The following CDK11B variants were observed in gnomAD, a reference collection of about 807,000 sequenced individuals.
The protein encoded by CDK11B is cyclin-dependent kinase 11B.
CDK11B carries 37 observed loss-of-function variants against 84.0 expected under a neutral mutation model. The observed-to-expected ratio is 0.44, with a 90% confidence interval of 0.34 to 0.58. CDK11B has a LOEUF of 0.58. Ranked by LOEUF, CDK11B falls within the 20% of genes least tolerant of loss-of-function variation. CDK11B has a pLI of 0.02. For synonymous variants in CDK11B, 269 were observed against 309.8 expected (o/e 0.87, Z 1.38); for missense variants, 427 against 834.0 (o/e 0.51, Z 6.01).
intron 4 of CDK11B, among the ~76,000 whole-genome samples, chr1:1,650,793 C>T (rs1445565006): frequency 1.4e-4 from 21 of 150,386 alleles, no homozygotes; most frequent in African/African-American, 4.4e-4. Context: ...TGCACCCAGC[C>T]GAATAATCAT....
chr1:1,637,918 T>C (rs1443921965), intron 12 of CDK11B, 35 bp from the exon 13 acceptor site: 5 of 1,612,366 alleles, frequency 3.1e-6, no homozygotes, highest in Non-Finnish European at 4.2e-6. Context: ...TGAGAGGCAT[T>C]CTCAAAGTCA....
At chr1:1,658,776 T>C (rs1254553665) in intron 1 of CDK11B, 138 bp downstream of exon 1, 4 of 153,132 alleles carry the variant, frequency 2.6e-5, no homozygotes, top group African/African-American at 9.7e-5. Context: ...CCGTGCGGGA[T>C]GAGACTGTCC....
intron 1 of CDK11B, among the ~76,000 whole-genome samples, chr1:1,658,448 A>C (rs1446817534): frequency 2.0e-5 from 3 of 149,272 alleles, no homozygotes; most frequent in East Asian, 2.0e-4. Context: ...CAGAATAACA[A>C]CACCTACGTG....
At chr1:1,647,275 C>T (rs1347597253) in intron 5 of CDK11B, among the ~76,000 whole-genome samples, 1 of 152,264 alleles carries the variant, frequency 6.6e-6, no homozygotes, top group Non-Finnish European at 1.5e-5. Flanking sequence ...TGTTCTTCCT[C>T]AGTATGGGTC....
chr1:1,653,901 C>CCTT (rs1642372585), intron 3 of CDK11B, among the ~76,000 whole-genome samples: 2 of 151,576 alleles, frequency 1.3e-5, no homozygotes, highest in South Asian at 2.1e-4. Flanking sequence ...CCCAGCTACT[C>CCTT]AGGAGTCTGA....
chr1:1,650,513 C>G (rs1413889642), intron 4 of CDK11B, among the ~76,000 whole-genome samples: 9 of 150,728 alleles, frequency 6.0e-5, no homozygotes, highest in Admixed American at 1.3e-4. Flanking sequence ...CTACAGGCGC[C>G]TGCCACCACG....
chr1:1,636,907 A>T lies in CDK11B; in HGVS notation c.1790T>A (p.Leu597His). The change falls in exon 16 of 20, where the codon CTT (leucine) becomes CAT (histidine). Residue 597 changes from leucine (L) to histidine (H), a missense_variant. By Grantham distance (99) the Leu-to-His change is moderately conservative (BLOSUM62 -3). Coordinates refer to ENST00000341832, the MANE Select transcript of CDK11B (RefSeq NM_033486.3). Reference sequence around the variant, plus strand: ...ACGCCCAGGACTCACCTTGGCACCAAGCAGCAGCTCTGGGGCGCGGTACCA... The same window carrying T: ...ACGCCCAGGACTCACCTTGGCACCATGCAGCAGCTCTGGGGCGCGGTACCA... ...TLWYRAPELLLGAKEYSTAVD... is the reference protein window; with the variant it reads ...TLWYRAPELLHGAKEYSTAVD... 11 of 1,606,598 alleles carry T rather than the reference A, an allele frequency of 6.8e-6. No homozygotes were observed. Among genetic ancestry groups the T allele is most frequent in the Non-Finnish European group, 9.4e-6 (11 of 1,175,164 alleles).
chr1:1,653,874 T>G (rs1310387160), intron 3 of CDK11B, among the ~76,000 whole-genome samples: 1 of 130,782 alleles, frequency 7.6e-6, no homozygotes, highest in South Asian at 2.6e-4. Context: ...CCGAGCGTGG[T>G]GGCGCATGCC....
At chr1:1,650,144 C>T (rs1196301476) in intron 4 of CDK11B, among the ~76,000 whole-genome samples, 26 of 150,104 alleles carry the variant, frequency 1.7e-4, no homozygotes, top group South Asian at 8.5e-4. Flanking sequence ...GTGGCGGGCA[C>T]CTGTAGTCCC....
At chr1:1,655,213 TA>T in intron 3 of CDK11B, 155 bp downstream of exon 3, 2 of 964,292 alleles carry the variant, frequency 2.1e-6, no homozygotes, top group Non-Finnish European at 2.9e-6. Context: ...AACTGTGACA[TA>T]AAAACCTCAA....
chr1:1,641,230 CGGGCGCG>C (rs1389436298), intron 9 of CDK11B, 117 bp from the exon 10 acceptor site: 1 of 1,536,642 alleles, frequency 6.5e-7, no homozygotes, highest in Non-Finnish European at 8.9e-7. Context: ...ATATGCAGGC[CGGGCGCG>C]GTGGCTCACG....
chr1:1,652,557 T>A lies in CDK11B; in HGVS notation c.237A>T (p.Glu79Asp), dbSNP rs1463952954. 1.2e-5 allele frequency: 18 copies of A among 1,468,396 alleles called. No homozygotes were observed. Among genetic ancestry groups the A allele is most frequent in the African/African-American group, 4.4e-5 (3 of 68,244 alleles). The allele number at this position is 1,468,396 out of a possible 1,614,324, so 91.0% of individuals were successfully genotyped here. ...GTGGTTTGATGGCCAAAGAATCATCTTCTTCTCCTCTGAAATAAAACACAA... is the reference window on the plus strand; with the variant it reads ...GTGGTTTGATGGCCAAAGAATCATCATCTTCTCCTCTGAAATAAAACACAA... ...REDSMEDRGE[E>D]DDSLAIKPPQ... The change falls in exon 4 of 20, where the codon GAA becomes GAT. Residue 79 changes from glutamate (E) to aspartate (D), a missense_variant. Around this residue, in one of 12 missense-constraint regions of CDK11B, gnomAD observed 57 missense variants for 62.2 expected, o/e 0.92. Transcript: ENST00000341832.
At chr1:1,654,881 ATCT>A (rs1193210327) in intron 3 of CDK11B, among the ~76,000 whole-genome samples, 2 of 144,160 alleles carry the variant, frequency 1.4e-5, no homozygotes, top group Non-Finnish European at 3.1e-5. Flanking sequence ...GATGGTCTTG[ATCT>A]TCTGACCTTG....
chr1:1,648,515 C>T (rs868266810), intron 5 of CDK11B, among the ~76,000 whole-genome samples: 11 of 140,390 alleles, frequency 7.8e-5, no homozygotes, highest in African/African-American at 3.3e-4. Context: ...TGGCAAACAT[C>T]GCTGCCCTTC....
In CDK11B at chr1:1,657,320, G is replaced by T. The variant is rs1642892873; in HGVS notation, c.111+55C>A. 6.8e-6 allele frequency: 11 copies of T among 1,612,998 alleles called. No individual in the cohort carries two copies. The East Asian group carries it at 2.5e-4, about 36-fold the overall frequency. ...GCGTTGTTCTAATGGAAAAATGAGGGCAAAGAAATTAAATCTCCTTTAAGA... is the reference window on the plus strand; with the variant it reads ...GCGTTGTTCTAATGGAAAAATGAGGTCAAAGAAATTAAATCTCCTTTAAGA... On this transcript the variant is annotated intron_variant, in intron 2 of 19. Coordinates refer to ENST00000341832, the MANE Select transcript of CDK11B (RefSeq NM_033486.3).
At chr1:1,653,359 C>T (rs2100981518) in intron 3 of CDK11B, among the ~76,000 whole-genome samples, 1 of 151,938 alleles carries the variant, frequency 6.6e-6, no homozygotes, top group African/African-American at 2.4e-5. Flanking sequence ...CTCGCTCTTT[C>T]CCCCAGCCTA....
chr1:1,652,711 TCCAA>T (rs1642165927), intron 3 of CDK11B, 145 bp from the exon 4 acceptor site: 1 of 628,410 alleles, frequency 1.6e-6, no homozygotes, highest in Admixed American at 3.2e-5. Flanking sequence ...ACATTAATTC[TCCAA>T]CTTTAGGCAT....
intron 3 of CDK11B, among the ~76,000 whole-genome samples, chr1:1,654,338 C>G (rs1224319970): frequency 6.6e-6 from 1 of 152,214 alleles, no homozygotes. Flanking sequence ...TTCCTTGTCT[C>G]TATTCTAGGC....
At chr1:1,643,479 G>A (rs1203977134) in intron 6 of CDK11B, among the ~76,000 whole-genome samples, 1 of 151,230 alleles carries the variant, frequency 6.6e-6, no homozygotes, top group African/African-American at 2.5e-5. Context: ...CCCATTCAGA[G>A]GGGAAAAAAA....
Sources: gnomAD v4.1 joint callset for allele counts (sites outside exome capture counted in the v4.1 genomes callset) on GRCh38, gnomAD v4.1.1 for gene constraint, gnomAD v4.1.1 regional missense constraint, MANE v1.5 for transcripts, NCBI Gene and HGNC (gene_info 2026-07-23, HGNC 2026-07-21) for gene names.